Variants in ENOX2 observed in about 807,000 individuals in gnomAD.
ENOX2 encodes the protein APK1 antigen.
In ENOX2, 36 loss-of-function variants were observed where a neutral mutation model predicts 45.0. The ratio of observed to expected loss-of-function variants is 0.80; its 90% CI spans 0.61 to 1.06. The LOEUF (loss-of-function observed/expected upper bound fraction) is 1.06. Ranked by LOEUF, ENOX2 falls within the 50% of genes least tolerant of loss-of-function variation. The pLI is 0.00. For missense variants in ENOX2, 423 were observed against 462.5 expected, an observed-to-expected ratio of 0.91 and a Z score of 0.78; for synonymous variants, 174 against 152.3, an observed-to-expected ratio of 1.14 and a Z score of -1.05.
chrX:130,874,857 C>T (rs923241447), intron 2 of ENOX2, among the ~76,000 whole-genome samples: 1 of 110,770 alleles, frequency 9.0e-6, no homozygotes, highest in South Asian at 4.0e-4. Context: ...GCATGCCCCC[C>T]CCGACACACA....
chrX:130,837,278 T>C (rs1389763342), intron 2 of ENOX2, among the ~76,000 whole-genome samples: 1 of 111,809 alleles, frequency 8.9e-6, no homozygotes, highest in African/African-American at 3.3e-5. Context: ...GCCCAGTGCA[T>C]TAACTTATAC....
chrX:130,816,621 C>T (rs887989214), intron 2 of ENOX2, among the ~76,000 whole-genome samples: 16 of 111,819 alleles, frequency 1.4e-4, no homozygotes, highest in East Asian at 2.8e-4. Context: ...CACACAAAAC[C>T]GCACATTTAC....
chrX:130,669,167 G>A (rs1179380632), intron 7 of ENOX2, among the ~76,000 whole-genome samples: 2 of 112,020 alleles, frequency 1.8e-5, no homozygotes, highest in African/African-American at 6.5e-5. Context: ...TACCATTAGA[G>A]CTGGATTGGT....
At chrX:130,879,963 T>C (rs898285058) in intron 2 of ENOX2, among the ~76,000 whole-genome samples, 3 of 111,916 alleles carry the variant, frequency 2.7e-5, no homozygotes, top group Admixed American at 9.5e-5. Flanking sequence ...TGCGATACTG[T>C]CTCTTTAGTC....
chrX:130,710,218 G>A (rs929546376), intron 3 of ENOX2, among the ~76,000 whole-genome samples: 8 of 111,852 alleles, frequency 7.2e-5, no homozygotes, highest in Non-Finnish European at 1.1e-4. Context: ...AGTTAAGCAA[G>A]CTATCCATAG....
In ENOX2 at chrX:130,625,058, T is replaced by C. The variant is rs2035506961; in HGVS notation, c.*256A>G. The C allele has an allele frequency of 3.3e-6, 1 of 305,819 alleles. No homozygotes were observed. 25.2% of individuals were successfully genotyped at this position (305,819 alleles called of 1,213,427 possible). ...CAAATACTGTTTAGCATCAGGACTT[T>C]TGCAATATTTAAAGACAACCAATTG... On this transcript the variant is annotated 3_prime_UTR_variant, in exon 15 of 15. Transcript: ENST00000394363.
intron 3 of ENOX2, among the ~76,000 whole-genome samples, chrX:130,756,310 C>T (rs1452974911): frequency 5.4e-5 from 6 of 112,116 alleles, no homozygotes; most frequent in Non-Finnish European, 1.1e-4. Context: ...TTGCTGCCTG[C>T]GGATGTTGTA....
chrX:130,654,580 T>C (rs1219337495), intron 10 of ENOX2, among the ~76,000 whole-genome samples: 2 of 112,399 alleles, frequency 1.8e-5, no homozygotes, highest in Non-Finnish European at 3.8e-5. Context: ...GCGGGATTTC[T>C]GCAGTTGAGT....
intron 2 of ENOX2, among the ~76,000 whole-genome samples, chrX:130,807,119 C>T (rs1383212736): frequency 1.8e-5 from 2 of 112,288 alleles, no homozygotes; most frequent in Non-Finnish European, 3.8e-5. Context: ...AGGTCATTTA[C>T]TTTCCAATAA....
chrX:130,878,347 T>C (rs2078746389), intron 2 of ENOX2, among the ~76,000 whole-genome samples: 1 of 111,966 alleles, frequency 8.9e-6, no homozygotes, highest in Non-Finnish European at 1.9e-5. Flanking sequence ...AGACCATTTC[T>C]TTCCCTTCTT....
chrX:130,797,086 G>C (rs1452728543), intron 2 of ENOX2, among the ~76,000 whole-genome samples: 1 of 111,766 alleles, frequency 8.9e-6, no homozygotes, highest in Non-Finnish European at 1.9e-5. Context: ...GAGTGTCTCT[G>C]CAACAAAACA....
intron 3 of ENOX2, among the ~76,000 whole-genome samples, chrX:130,747,148 A>T (rs1398750579): frequency 9.0e-6 from 1 of 111,602 alleles, no homozygotes; most frequent in Non-Finnish European, 1.9e-5. Context: ...AGGGGAGTCA[A>T]GCTATGAAAA....
chrX:130,659,059 G>C (rs989279326), intron 9 of ENOX2, among the ~76,000 whole-genome samples: 7 of 112,243 alleles, frequency 6.2e-5, no homozygotes, highest in African/African-American at 2.3e-4. Context: ...ATTAATGCCT[G>C]TCAGAGGCTT....
intron 2 of ENOX2, among the ~76,000 whole-genome samples, chrX:130,829,390 A>T (rs1477805300): frequency 9.0e-6 from 1 of 111,538 alleles, no homozygotes; most frequent in Non-Finnish European, 1.9e-5. Context: ...TCAACTGGCT[A>T]ATTTATTTAC....
intron 3 of ENOX2, among the ~76,000 whole-genome samples, chrX:130,756,011 A>C (rs2148343205): frequency 9.0e-6 from 1 of 111,726 alleles, no homozygotes; most frequent in East Asian, 2.8e-4. Context: ...TATCCTCAAA[A>C]GTTGTCAGAC....
intron 3 of ENOX2, among the ~76,000 whole-genome samples, chrX:130,752,030 T>C (rs2039233064): frequency 8.9e-6 from 1 of 111,799 alleles, no homozygotes. Flanking sequence ...TTTCTCTATG[T>C]CTTTCTGATA....
chrX:130,712,088 G>C (rs774454572), intron 3 of ENOX2, among the ~76,000 whole-genome samples: 6 of 112,380 alleles, frequency 5.3e-5, no homozygotes, highest in Non-Finnish European at 1.1e-4. Flanking sequence ...CTTTAGGCAA[G>C]TTCCACAAAC....
chrX:130,743,901 T>C (rs1270136969), intron 3 of ENOX2, among the ~76,000 whole-genome samples: 1 of 112,274 alleles, frequency 8.9e-6, no homozygotes, highest in Non-Finnish European at 1.9e-5. Flanking sequence ...ATGTGTTTTA[T>C]ATTACAAAGC....
chrX:130,702,196 G>A (rs1266220040), intron 4 of ENOX2, among the ~76,000 whole-genome samples: 2 of 111,449 alleles, frequency 1.8e-5, no homozygotes, highest in African/African-American at 3.3e-5. Flanking sequence ...AAGACAAAAT[G>A]GCATTACTCT....
Sources: gnomAD v4.1 joint callset for allele counts (sites outside exome capture counted in the v4.1 genomes callset) on GRCh38, gnomAD v4.1.1 for gene constraint, MANE v1.5 for transcripts, NCBI Gene and HGNC (gene_info 2026-07-23, HGNC 2026-07-21) for gene names.